Variants in PRKCB observed in about 807,000 individuals in gnomAD.
PRKCB encodes protein kinase C beta type.
In PRKCB, 13 loss-of-function variants were observed where a neutral mutation model predicts 81.5. That is an observed-to-expected ratio of 0.16 (90% confidence interval 0.10 to 0.25). The LOEUF (loss-of-function observed/expected upper bound fraction) is 0.25, where lower values mean the gene tolerates loss of function less well. Ranked by LOEUF, PRKCB falls within the 10% of genes least tolerant of loss-of-function variation. The pLI is 1.00. For synonymous variants in PRKCB, 335 were observed against 321.4 expected, an observed-to-expected ratio of 1.04 and a Z score of -0.45; for missense variants, 509 against 875.7, an observed-to-expected ratio of 0.58 and a Z score of 5.29.
intron 3 of PRKCB, among the ~76,000 whole-genome samples, chr16:23,995,388 A>C (rs1252192544): frequency 6.6e-6 from 1 of 152,202 alleles, no homozygotes; most frequent in Non-Finnish European, 1.5e-5. Context: ...GGTTAGTGGC[A>C]GAGAGGGATA....
intron 3 of PRKCB, among the ~76,000 whole-genome samples, chr16:24,027,960 G>A (rs570907896): frequency 6.6e-6 from 1 of 152,184 alleles, no homozygotes; most frequent in African/African-American, 2.4e-5. Context: ...AGTAGAGACA[G>A]GGTCTCACTG....
Position 24,179,151 on chromosome 16 carries a change from C to A in PRKCB, c.1395-1639C>A, listed in dbSNP as rs557878245. On this transcript the variant is annotated intron_variant, in intron 12 of 16. Transcript: ENST00000643927. ...CCAAAGTGCCAGCACTAATACTTAA[C>A]AGCTTTGATTGGCCCAGATTGGATC... Among the ~76,000 whole-genome samples the A allele has an allele frequency of 5.3e-5, 8 of 152,346 alleles. No homozygotes were observed. In the South Asian group the frequency reaches 1.7e-3, roughly 32 times the overall value.
intron 2 of PRKCB, among the ~76,000 whole-genome samples, chr16:23,906,900 A>G (rs1252104255): frequency 6.6e-6 from 1 of 152,146 alleles, no homozygotes; most frequent in Non-Finnish European, 1.5e-5. Context: ...TCAGCTGACT[A>G]GAGGCAAAGA....
intron 3 of PRKCB, among the ~76,000 whole-genome samples, chr16:24,014,448 C>T (rs1965249861): frequency 6.6e-6 from 1 of 152,186 alleles, no homozygotes; most frequent in African/African-American, 2.4e-5. Flanking sequence ...GAACAGCCTC[C>T]ACCAGAACTC....
intron 7 of PRKCB, among the ~76,000 whole-genome samples, chr16:24,101,404 C>CG (rs1966506433): frequency 1.3e-5 from 2 of 152,116 alleles, no homozygotes; most frequent in Non-Finnish European, 2.9e-5. Flanking sequence ...CCAGGCATGG[C>CG]GGCATGCACC....
intron 2 of PRKCB, among the ~76,000 whole-genome samples, chr16:23,840,085 A>C (rs1390487645): frequency 6.6e-6 from 1 of 152,140 alleles, no homozygotes; most frequent in Non-Finnish European, 1.5e-5. Context: ...TGAAATTGAG[A>C]TGTTTAGAAT....
At chr16:23,983,293 C>G (rs1018653553) in intron 2 of PRKCB, among the ~76,000 whole-genome samples, 4 of 152,154 alleles carry the variant, frequency 2.6e-5, no homozygotes, top group African/African-American at 7.2e-5. Flanking sequence ...CAGAAACACA[C>G]TGTGTAAAGG....
At chr16:24,195,805 T>G (rs906395808) in intron 16 of PRKCB, among the ~76,000 whole-genome samples, 1 of 152,222 alleles carries the variant, frequency 6.6e-6, no homozygotes, top group Non-Finnish European at 1.5e-5. Context: ...GGTCTTCCAG[T>G]GCTAGATCTC....
intron 8 of PRKCB, among the ~76,000 whole-genome samples, chr16:24,116,878 G>C (rs1193241108): frequency 6.6e-6 from 1 of 152,136 alleles, no homozygotes; most frequent in Non-Finnish European, 1.5e-5. Flanking sequence ...CTGTCCTGGG[G>C]CAGCTGGGGT....
chr16:24,007,002 G>A (rs946968483), intron 3 of PRKCB, among the ~76,000 whole-genome samples: 4 of 152,182 alleles, frequency 2.6e-5, no homozygotes, highest in African/African-American at 7.2e-5. Context: ...AAGTTCTTGG[G>A]TAATTCTGAT....
At chr16:23,875,684 CAT>C (rs1207137224) in intron 2 of PRKCB, among the ~76,000 whole-genome samples, 1 of 34,924 alleles carries the variant, frequency 2.9e-5, no homozygotes, top group Non-Finnish European at 5.9e-5. Flanking sequence ...ATATCACACA[CAT>C]ATATGTATGT....
chr16:24,083,923 A>G (rs775251639), intron 5 of PRKCB, among the ~76,000 whole-genome samples: 5 of 152,238 alleles, frequency 3.3e-5, no homozygotes, highest in Non-Finnish European at 7.3e-5. Flanking sequence ...GAGAAGAGAG[A>G]GAAAAGAAGG....
chr16:23,862,502 G>A lies in PRKCB; in HGVS notation c.205+25096G>A, dbSNP rs538332704. ...AGCTGACAGCAGCTTGCGTTCAGGG[G>A]AAAAGCTGTAAAATGACCATTCCCT... On this transcript the variant is annotated intron_variant, in intron 2 of 16. Transcript: ENST00000643927. 3.3e-5 allele frequency among the ~76,000 whole-genome samples: 5 copies of A among 152,310 alleles called. No individual in the cohort carries two copies. In the East Asian group the frequency reaches 9.6e-4, roughly 29 times the overall value.
intron 4 of PRKCB, among the ~76,000 whole-genome samples, chr16:24,033,644 C>T (rs769795731): frequency 1.3e-5 from 2 of 152,066 alleles, no homozygotes; most frequent in Non-Finnish European, 2.9e-5. Context: ...TACTTGTAAT[C>T]CCAGCTACTT....
At chr16:23,964,591 G>T (rs1214692524) in intron 2 of PRKCB, among the ~76,000 whole-genome samples, 1 of 151,746 alleles carries the variant, frequency 6.6e-6, no homozygotes, top group Non-Finnish European at 1.5e-5. Context: ...TTTAAGGTAA[G>T]TATTGTTATC....
At chr16:23,958,547 C>T (rs1399933392) in intron 2 of PRKCB, among the ~76,000 whole-genome samples, 2 of 152,040 alleles carry the variant, frequency 1.3e-5, no homozygotes, top group Non-Finnish European at 2.9e-5. Context: ...TCGTGATCCA[C>T]CCACCTCGGC....
chr16:23,916,913 C>T (rs1963749455), intron 2 of PRKCB, among the ~76,000 whole-genome samples: 1 of 138,482 alleles, frequency 7.2e-6, no homozygotes, highest in East Asian at 2.2e-4. Flanking sequence ...GCACACACCA[C>T]CATGACTGGC....
chr16:23,918,704 T>C (rs1963780863), intron 2 of PRKCB, among the ~76,000 whole-genome samples: 1 of 152,230 alleles, frequency 6.6e-6, no homozygotes, highest in African/African-American at 2.4e-5. Context: ...GCCTTTTGTG[T>C]TACTTTTGTA....
At chr16:24,195,300 A>G (rs1176463292) in intron 16 of PRKCB, among the ~76,000 whole-genome samples, 3 of 151,926 alleles carry the variant, frequency 2.0e-5, no homozygotes, top group East Asian at 1.9e-4. Flanking sequence ...CCTCCCCCCA[A>G]TCCCAGGATT....
Sources: allele counts gnomAD v4.1 joint callset (sites outside exome capture counted in the v4.1 genomes callset), GRCh38; gene constraint gnomAD v4.1.1; transcripts MANE v1.5; gene names NCBI Gene and HGNC (gene_info 2026-07-23, HGNC 2026-07-21).